MGRN1: variants seen among roughly 807,000 people sequenced by gnomAD.
The protein encoded by MGRN1 is mahogunin ring finger 1.
A neutral mutation model predicts 69.2 loss-of-function variants in MGRN1; 29 were observed. The observed-to-expected ratio is 0.42, with a 90% confidence interval of 0.31 to 0.57. MGRN1 has a LOEUF of 0.57. Among genes scored for constraint, MGRN1 ranks in the 20% least tolerant of loss-of-function variants. The pLI, the probability that MGRN1 is intolerant of heterozygous loss-of-function variation, is 0.15. For missense variants in MGRN1, 998 were observed against 796.2 expected (o/e 1.25, Z -3.05); for synonymous variants, 470 against 344.2 (o/e 1.37, Z -4.04).
intron 10 of MGRN1, among the ~76,000 whole-genome samples, chr16:4,674,195 GC>G (rs1444159181): frequency 6.6e-6 from 1 of 152,174 alleles, no homozygotes; most frequent in Non-Finnish European, 1.5e-5. Context: ...TGTTGGCCAG[GC>G]TGGTCTTGAA....
intron 1 of MGRN1, chr16:4,650,121 G>A (rs2141877647): frequency 2.7e-6 from 1 of 370,946 alleles, no homozygotes; most frequent in East Asian, 6.5e-5. Flanking sequence ...TGGCCAATAT[G>A]GTGAAACCCC....
chr16:4,656,130 G>C (rs1197105272), intron 4 of MGRN1, among the ~76,000 whole-genome samples: 2 of 152,352 alleles, frequency 1.3e-5, no homozygotes, highest in East Asian at 3.9e-4. Context: ...TGGAGGGGAG[G>C]GGCTGTGGAT....
chr16:4,658,183 C>T (rs574361411), intron 5 of MGRN1, among the ~76,000 whole-genome samples: 12 of 152,130 alleles, frequency 7.9e-5, no homozygotes, highest in Non-Finnish European at 1.3e-4. Flanking sequence ...TGTTTTCCAG[C>T]GTCCATCTGG....
chr16:4,680,339 C>G (rs1001083592), intron 12 of MGRN1: 2 of 504,462 alleles, frequency 4.0e-6, no homozygotes, highest in East Asian at 7.0e-5. Flanking sequence ...GCCTCCGCCC[C>G]GCGTGGCCCC....
intron 5 of MGRN1, among the ~76,000 whole-genome samples, chr16:4,663,670 C>A (rs888790387): frequency 8.5e-5 from 13 of 152,174 alleles, no homozygotes; most frequent in African/African-American, 3.1e-4. Flanking sequence ...CGGTGGCTTT[C>A]CTGGTTGCCA....
At chr16:4,642,577 G>A (rs1363023617) in intron 1 of MGRN1, among the ~76,000 whole-genome samples, 1 of 151,692 alleles carries the variant, frequency 6.6e-6, no homozygotes, top group African/African-American at 2.4e-5. Flanking sequence ...GCCCGCCTCG[G>A]CCTCCCAAAG....
chr16:4,677,690 G>T, intron 11 of MGRN1, 118 bp downstream of exon 11: 2 of 959,322 alleles, frequency 2.1e-6, no homozygotes, highest in South Asian at 1.6e-5. Flanking sequence ...CAGTGGGCAG[G>T]CATGGCCCCC....
At chr16:4,687,721 C>G (rs186444183) in intron 16 of MGRN1, 1 of 985,380 alleles carries the variant, frequency 1.0e-6, no homozygotes, top group Admixed American at 6.1e-5. Context: ...CAGCTCTGGT[C>G]TGCCGAGGCC....
In MGRN1 at chr16:4,657,331, A is replaced by G. The variant is rs772974063; in HGVS notation, c.529A>G (p.Lys177Glu). 8 of 1,614,060 alleles carry G rather than the reference A, an allele frequency of 5.0e-6. No individual in the cohort carries two copies. The Admixed American group carries it at 1.3e-4, about 27-fold the overall frequency. Residue 177 changes from lysine to glutamate, a missense_variant, in exon 5 of 17, where the codon AAG (lysine) becomes GAG (glutamate). Coordinates refer to ENST00000262370, the MANE Select transcript of MGRN1 (RefSeq NM_015246.4). Reference protein sequence around the residue: ...VSQQFSLPSFKIDFSEWKDDE... With the variant: ...VSQQFSLPSFEIDFSEWKDDE... ...CCAGCAGTTCTCCCTGCCCTCCTTC[A>G]AGATTGACTTCTCGGAATGGAAGGA... is the stretch of plus-strand genomic sequence containing the variant.
chr16:4,686,560 T>C, intron 16 of MGRN1: 1 of 1,333,140 alleles, frequency 7.5e-7, no homozygotes, highest in Non-Finnish European at 9.6e-7. Flanking sequence ...GGTCAGGCTC[T>C]TCTTCCAGCC....
chr16:4,669,507 C>G (rs1422736986), intron 8 of MGRN1, among the ~76,000 whole-genome samples: 1 of 150,402 alleles, frequency 6.6e-6, no homozygotes, highest in Non-Finnish European at 1.5e-5. Flanking sequence ...CGACGGGTCC[C>G]TGTCTTGGGT....
chr16:4,669,541 G>A (rs1037154970), intron 8 of MGRN1, among the ~76,000 whole-genome samples: 13 of 151,106 alleles, frequency 8.6e-5, no homozygotes, highest in Non-Finnish European at 1.8e-4. Context: ...TTGCGTGCCC[G>A]CCATGTACAG....
intron 16 of MGRN1, chr16:4,687,309 G>C: frequency 3.1e-6 from 3 of 981,638 alleles, no homozygotes; most frequent in South Asian, 4.7e-5. Context: ...CGGTACTTTG[G>C]GAGACCGAGG....
chr16:4,641,595 C>T (rs1460260206), intron 1 of MGRN1, among the ~76,000 whole-genome samples: 4 of 150,588 alleles, frequency 2.7e-5, no homozygotes, highest in African/African-American at 9.8e-5. Context: ...CTCGGCTGAC[C>T]GCAACCTCTG....
chr16:4,668,185 G>A, intron 7 of MGRN1, 80 bp from the exon 8 acceptor site: 1 of 1,238,118 alleles, frequency 8.1e-7, no homozygotes. Flanking sequence ...GGGGCAGGGT[G>A]GCCAACCCAG....
chr16:4,677,408 C>T, intron 10 of MGRN1, 55 bp from the exon 11 acceptor site: 1 of 1,393,844 alleles, frequency 7.2e-7, no homozygotes, highest in South Asian at 1.4e-5. Flanking sequence ...TGGGAGGGTC[C>T]CCTCGGGGCT....
chr16:4,684,063 C>T, intron 16 of MGRN1, 131 bp downstream of exon 16: 1 of 801,496 alleles, frequency 1.2e-6, no homozygotes, highest in Non-Finnish European at 2.0e-6. Context: ...CCCTGGCTCT[C>T]AGCCATGCCC....
In MGRN1 at chr16:4,688,947, C is replaced by A; in HGVS notation, c.*39C>A. The A allele has an allele frequency of 6.6e-7, 1 of 1,510,564 alleles. No homozygotes were observed. The highest frequency in any genetic ancestry group is 8.9e-7 in the Non-Finnish European group (1 of 1,121,304). The allele number at this position is 1,510,564 out of a possible 1,614,324, so 93.6% of individuals were successfully genotyped here. On this transcript the variant is annotated 3_prime_UTR_variant, in exon 17 of 17. Transcript: ENST00000262370. ...CTGGCAGCATGGAGCCCTCGGCTCC[C>A]CAGACTTTGCCGAGGGGCTGCTCCG...
At chr16:4,664,395 T>G in intron 5 of MGRN1, 2 of 406,694 alleles carry the variant, frequency 4.9e-6, no homozygotes, top group Non-Finnish European at 9.0e-6. Context: ...TGGCTACGTG[T>G]GGGGTTTCCG....
Sources: allele counts gnomAD v4.1 joint callset (sites outside exome capture counted in the v4.1 genomes callset), GRCh38; gene constraint gnomAD v4.1.1; transcripts MANE v1.5; gene names NCBI Gene and HGNC (gene_info 2026-07-23, HGNC 2026-07-21).